CTTNBP2: variants seen among roughly 807,000 people sequenced by gnomAD.
CTTNBP2 encodes the protein cortactin-binding protein 2.
In CTTNBP2, 108 loss-of-function variants were observed where a neutral mutation model predicts 156.9. That is an observed-to-expected ratio of 0.69 (90% confidence interval 0.59 to 0.81). CTTNBP2 has a LOEUF of 0.81. CTTNBP2 is among the 30% of genes least tolerant of loss of function. The probability of loss-of-function intolerance (pLI) is 0.00; values close to 1 mark genes in which losing one functional copy is unlikely to be tolerated. For missense variants in CTTNBP2, 1,924 were observed against 2,035.4 expected (o/e 0.95, Z 1.05); for synonymous variants, 767 against 751.8 (o/e 1.02, Z -0.33).
chr7:117,847,760 GAT>G (rs1196871662), intron 2 of CTTNBP2, among the ~76,000 whole-genome samples: 1 of 142,484 alleles, frequency 7.0e-6, no homozygotes, highest in South Asian at 2.2e-4. Context: ...TAGAAGCACT[GAT>G]ATGTTTTCCA....
intron 12 of CTTNBP2, 135 bp from the exon 13 acceptor site, chr7:117,746,234 G>A: frequency 1.6e-6 from 1 of 642,118 alleles, no homozygotes; most frequent in East Asian, 2.7e-5. Flanking sequence ...TTAGAGATTA[G>A]CTTTATCATT....
chr7:117,763,139 T>C (rs1173997562), intron 9 of CTTNBP2, among the ~76,000 whole-genome samples: 9 of 152,230 alleles, frequency 5.9e-5, no homozygotes, highest in African/African-American at 2.2e-4. Flanking sequence ...TTCTTATATT[T>C]ATTGTTCATT....
chr7:117,818,372 C>A (rs544174664), intron 2 of CTTNBP2, among the ~76,000 whole-genome samples: 56 of 152,180 alleles, frequency 3.7e-4, no homozygotes, highest in Non-Finnish European at 7.5e-4. Flanking sequence ...CCGCTCAACA[C>A]AGCTGTCACT....
chr7:117,833,373 G>T (rs1406737331), intron 2 of CTTNBP2, among the ~76,000 whole-genome samples: 1 of 152,256 alleles, frequency 6.6e-6, no homozygotes, highest in South Asian at 2.1e-4. Flanking sequence ...GAATAAAAAC[G>T]TCTTCCTTCA....
intron 3 of CTTNBP2, among the ~76,000 whole-genome samples, chr7:117,804,593 C>G (rs1465418341): frequency 1.3e-5 from 2 of 152,154 alleles, no homozygotes; most frequent in Admixed American, 6.5e-5. Flanking sequence ...TAAAGCTGTA[C>G]AAATGAACAA....
At chr7:117,728,890 T>C (rs866932803) in intron 16 of CTTNBP2, among the ~76,000 whole-genome samples, 1 of 152,234 alleles carries the variant, frequency 6.6e-6, no homozygotes. Flanking sequence ...GCTAAAGAAC[T>C]TCCTCTTCTT....
At position 117,780,579 on chromosome 7, in the gene CTTNBP2, T is replaced by C; in HGVS notation, c.2385A>G (p.Leu795=). 1.3e-6 allele frequency: 2 copies of C among 1,586,376 alleles called. No homozygotes were observed. The highest frequency in any genetic ancestry group is 1.8e-5 in the Admixed American group (1 of 55,052). Residue 795 remains leucine (L), a synonymous_variant, in exon 7 of 23, where the codon TTA becomes TTG. Coordinates refer to ENST00000160373, the MANE Select transcript of CTTNBP2 (RefSeq NM_033427.3). ...AAQGHFECVE[L]LISYDANINH... ...TAATGTTAGCATCATATGAAATTAA[T>C]AATTCTACACACCTAAACACAAGAT...
At chr7:117,817,347 A>AT (rs60561571) in intron 2 of CTTNBP2, among the ~76,000 whole-genome samples, 6,453 of 47,928 alleles carry the variant, frequency 0.13, 1,005 homozygotes, top group East Asian at 0.26. Context: ...AAAAAAAAAA[A>AT]AAAAAAAAAA....
At chr7:117,735,662 C>G (rs1795649864) in intron 14 of CTTNBP2, among the ~76,000 whole-genome samples, 1 of 152,086 alleles carries the variant, frequency 6.6e-6, no homozygotes, top group East Asian at 1.9e-4. Context: ...TGGAATCAAC[C>G]CAATGTCCAT....
chr7:117,806,999 C>T (rs758273171), intron 3 of CTTNBP2, among the ~76,000 whole-genome samples: 18 of 152,030 alleles, frequency 1.2e-4, no homozygotes, highest in Non-Finnish European at 2.4e-4. Context: ...CCTTGTGATC[C>T]GCCCACCTGG....
chr7:117,787,551 G>GA lies in CTTNBP2; in HGVS notation c.2069-3098dup, dbSNP rs1245091891. Among the ~76,000 whole-genome samples the GA allele has an allele frequency of 5.3e-5, 8 of 152,198 alleles. No homozygotes were observed. The South Asian group carries it at 1.2e-3, about 24-fold the overall frequency. Reference sequence around the variant, plus strand: ...AAATCAAATGTATCAAATAAAAAAAGAAAAAACAGAAAAAACAATTTCCAA... The same window carrying GA: ...AAATCAAATGTATCAAATAAAAAAAGAAAAAAACAGAAAAAACAATTTCCAA... On this transcript the variant is annotated intron_variant, in intron 4 of 22. Coordinates refer to ENST00000160373, the MANE Select transcript of CTTNBP2 (RefSeq NM_033427.3).
intron 2 of CTTNBP2, among the ~76,000 whole-genome samples, chr7:117,860,275 C>T (rs911866977): frequency 9.9e-5 from 15 of 151,794 alleles, no homozygotes; most frequent in African/African-American, 3.4e-4. Flanking sequence ...CCAAAATAAA[C>T]GCAAGATCCA....
intron 2 of CTTNBP2, among the ~76,000 whole-genome samples, chr7:117,817,251 G>A (rs550500024): frequency 2.7e-4 from 39 of 146,682 alleles, no homozygotes; most frequent in African/African-American, 8.0e-4. Context: ...GGAGAATGGC[G>A]TAAACCCGGA....
At chr7:117,829,187 T>C (rs912577792) in intron 2 of CTTNBP2, among the ~76,000 whole-genome samples, 1 of 152,178 alleles carries the variant, frequency 6.6e-6, no homozygotes, top group African/African-American at 2.4e-5. Flanking sequence ...ACAGCGCTTG[T>C]TGGAATTTGC....
intron 2 of CTTNBP2, among the ~76,000 whole-genome samples, chr7:117,837,643 C>A (rs546491793): frequency 1.3e-5 from 2 of 152,236 alleles, no homozygotes; most frequent in East Asian, 3.9e-4. Context: ...GTCATATACA[C>A]CTTATACACA....
At chr7:117,845,854 T>C (rs36102464) in intron 2 of CTTNBP2, among the ~76,000 whole-genome samples, 2 of 152,106 alleles carry the variant, frequency 1.3e-5, no homozygotes, top group African/African-American at 4.8e-5. Context: ...GTTAATTTTT[T>C]TTTCTTTTTT....
chr7:117,790,857 G>T (rs1798954269), intron 4 of CTTNBP2, among the ~76,000 whole-genome samples: 1 of 152,132 alleles, frequency 6.6e-6, no homozygotes, highest in East Asian at 1.9e-4. Flanking sequence ...TAAATTAATG[G>T]TCTCCATGTG....
chr7:117,801,905 T>A (rs1007257546), intron 3 of CTTNBP2, among the ~76,000 whole-genome samples: 4 of 151,822 alleles, frequency 2.6e-5, no homozygotes, highest in East Asian at 1.9e-4. Flanking sequence ...TTATTTTTTT[T>A]ATTTTTTTAT....
chr7:117,773,707 A>ACACACG (rs1234464093), intron 8 of CTTNBP2, among the ~76,000 whole-genome samples: 1 of 128,958 alleles, frequency 7.8e-6, no homozygotes, highest in Non-Finnish European at 1.6e-5. Context: ...ACACACACAC[A>ACACACG]CCCCAAAAAA....
Sources: allele counts gnomAD v4.1 joint callset (sites outside exome capture counted in the v4.1 genomes callset), GRCh38; gene constraint gnomAD v4.1.1; transcripts MANE v1.5; gene names NCBI Gene and HGNC (gene_info 2026-07-23, HGNC 2026-07-21).